VAV3: variants seen among roughly 807,000 people sequenced by gnomAD.
VAV3 encodes the protein guanine nucleotide exchange factor VAV3.
In VAV3, 94 loss-of-function variants were observed where a neutral mutation model predicts 131.2. The ratio of observed to expected loss-of-function variants is 0.72; its 90% CI spans 0.61 to 0.85. The LOEUF (loss-of-function observed/expected upper bound fraction) is 0.85, where lower values mean the gene tolerates loss of function less well. Ranked by LOEUF, VAV3 falls within the 40% of genes least tolerant of loss-of-function variation. VAV3 has a pLI of 0.00. For missense variants in VAV3, 939 were observed against 1,002.7 expected (o/e 0.94, Z 0.86); for synonymous variants, 349 against 342.0 (o/e 1.02, Z -0.22).
chr1:107,872,047 A>G (rs938670993), intron 2 of VAV3, among the ~76,000 whole-genome samples: 14 of 152,248 alleles, frequency 9.2e-5, no homozygotes, highest in Admixed American at 2.6e-4. Context: ...ATTTTCTTCT[A>G]TAAGTTCATC....
intron 6 of VAV3, among the ~76,000 whole-genome samples, chr1:107,769,418 A>G (rs1025541463): frequency 3.3e-5 from 5 of 152,190 alleles, no homozygotes; most frequent in Admixed American, 3.3e-4. Context: ...ACAGTTCCCT[A>G]GTCAATCTAC....
chr1:107,681,674 A>G (rs571342786), intron 19 of VAV3, among the ~76,000 whole-genome samples: 1 of 107,836 alleles, frequency 9.3e-6, no homozygotes, highest in East Asian at 2.9e-4. Context: ...TTTTTTTTTG[A>G]GACAGAGTCT....
intron 2 of VAV3, among the ~76,000 whole-genome samples, chr1:107,842,155 T>C (rs1204364626): frequency 2.0e-5 from 3 of 152,336 alleles, no homozygotes; most frequent in Admixed American, 6.5e-5. Context: ...TTCATACTTA[T>C]ATTGTCTACC....
At chr1:107,675,012 T>G (rs1345918947) in intron 19 of VAV3, among the ~76,000 whole-genome samples, 1 of 152,196 alleles carries the variant, frequency 6.6e-6, no homozygotes, top group Non-Finnish European at 1.5e-5. Context: ...GCAGTGTAAG[T>G]GAGTTTGAAA....
In VAV3 at chr1:107,785,545, A is replaced by G. The variant is rs762581214; in HGVS notation, c.322-6053T>C. Reference sequence around the variant, plus strand: ...AGCTTGGGGGTTCAAGAAGGGGTCCACGGCATCACACCCCTACAACATTAG... The same window carrying G: ...AGCTTGGGGGTTCAAGAAGGGGTCCGCGGCATCACACCCCTACAACATTAG... On this transcript the variant is annotated intron_variant, in intron 2 of 26. Coordinates refer to ENST00000370056, the MANE Select transcript of VAV3 (RefSeq NM_006113.5). 2.4e-6 allele frequency: 3 copies of G among 1,264,822 alleles called. No individual in the cohort carries two copies. The South Asian group carries it at 4.2e-5, about 18-fold the overall frequency. The allele number at this position is 1,264,822 out of a possible 1,614,324, so 78.3% of individuals were successfully genotyped here.
At chr1:107,718,443 A>G (rs908536534) in intron 15 of VAV3, among the ~76,000 whole-genome samples, 1 of 152,170 alleles carries the variant, frequency 6.6e-6, no homozygotes, top group African/African-American at 2.4e-5. Flanking sequence ...ATCATGAGTG[A>G]ACGCCCATTC....
intron 12 of VAV3, 141 bp downstream of exon 12, chr1:107,755,286 T>C (rs17236011): frequency 0.018 from 11,553 of 654,740 alleles, 146 homozygotes; most frequent in Non-Finnish European, 0.023. Flanking sequence ...GACACCCACA[T>C]GAACACTGCC....
At chr1:107,774,650 T>C (rs537074578) in intron 4 of VAV3, among the ~76,000 whole-genome samples, 1 of 152,114 alleles carries the variant, frequency 6.6e-6, no homozygotes, top group South Asian at 2.1e-4. Flanking sequence ...GGCGCCCTGA[T>C]ACTAAAAGGA....
chr1:107,796,421 C>T (rs370872736), intron 2 of VAV3, among the ~76,000 whole-genome samples: 1 of 152,064 alleles, frequency 6.6e-6, no homozygotes, highest in South Asian at 2.1e-4. Context: ...TTAGAAAAAA[C>T]AAGACATGTA....
chr1:107,777,166 G>A, intron 4 of VAV3, 65 bp downstream of exon 4: 1 of 1,449,364 alleles, frequency 6.9e-7, no homozygotes, highest in South Asian at 1.1e-5. Context: ...AACATCCACA[G>A]TTAAAACCCA....
intron 25 of VAV3, among the ~76,000 whole-genome samples, chr1:107,582,631 C>T (rs1202949933): frequency 4.9e-5 from 7 of 142,208 alleles, no homozygotes; most frequent in South Asian, 2.2e-4. Flanking sequence ...TCTCATTGTT[C>T]GATTCCCACC....
At chr1:107,768,563 A>G (rs1202204166) in intron 6 of VAV3, 54 bp from the exon 7 acceptor site, 2 of 1,427,462 alleles carry the variant, frequency 1.4e-6, no homozygotes, top group African/African-American at 1.4e-5. Context: ...CCTAATCTAT[A>G]TAATAGTTTT....
chr1:107,884,398 T>C lies in VAV3; in HGVS notation c.205-9381A>G, dbSNP rs533168634. 6.0e-5 allele frequency among the ~76,000 whole-genome samples: 8 copies of C among 134,040 alleles called. No individual in the cohort carries two copies. In the East Asian group the frequency reaches 1.7e-3, roughly 28 times the overall value. The allele number at this position is 134,040 out of a possible 152,430, so 87.9% of individuals were successfully genotyped here. A position where few individuals can be genotyped will look rare whatever the true frequency, so the allele number is the denominator to read the frequency against. ...TACTATGTACCCCCAAAATTAAAAA[T>C]AAATTATTTATTATTATTATTATTA... On this transcript the variant is annotated intron_variant, in intron 1 of 26. Coordinates refer to ENST00000370056, the MANE Select transcript of VAV3 (RefSeq NM_006113.5).
intron 1 of VAV3, among the ~76,000 whole-genome samples, chr1:107,944,147 G>T (rs573138599): frequency 1.3e-5 from 2 of 152,224 alleles, no homozygotes; most frequent in Admixed American, 1.3e-4. Context: ...AAAACAGATC[G>T]AAATGTAGGT....
At chr1:107,578,764 T>C (rs1649833220) in intron 25 of VAV3, 1 of 984,936 alleles carries the variant, frequency 1.0e-6, no homozygotes, top group Non-Finnish European at 1.2e-6. Flanking sequence ...TAAGTGTCCA[T>C]CCTTGTGTCT....
chr1:107,608,310 A>C (rs1038017513), intron 22 of VAV3, among the ~76,000 whole-genome samples: 2 of 152,142 alleles, frequency 1.3e-5, no homozygotes, highest in African/African-American at 4.8e-5. Context: ...TTAGCATTTT[A>C]TCTCTCAAAT....
chr1:107,781,803 T>C (rs1293382088), intron 2 of VAV3, among the ~76,000 whole-genome samples: 6 of 152,224 alleles, frequency 3.9e-5, no homozygotes, highest in African/African-American at 1.4e-4. Context: ...CAGATAAAAC[T>C]TGATATTGAT....
At chr1:107,621,264 G>A (rs895968048) in intron 20 of VAV3, among the ~76,000 whole-genome samples, 3 of 152,002 alleles carry the variant, frequency 2.0e-5, no homozygotes, top group Admixed American at 1.3e-4. Context: ...TGACAGAGAG[G>A]TGAGAGATAA....
intron 19 of VAV3, among the ~76,000 whole-genome samples, chr1:107,650,891 T>C (rs1656118076): frequency 6.6e-6 from 1 of 151,996 alleles, no homozygotes; most frequent in African/African-American, 2.4e-5. Flanking sequence ...CCAACCCAAA[T>C]GTCCAACAAT....
Sources: gnomAD v4.1 joint callset for allele counts (sites outside exome capture counted in the v4.1 genomes callset) on GRCh38, gnomAD v4.1.1 for gene constraint, MANE v1.5 for transcripts, NCBI Gene and HGNC (gene_info 2026-07-23, HGNC 2026-07-21) for gene names.